Variants in ALK observed in about 807,000 individuals in gnomAD.
ALK encodes ALK receptor tyrosine kinase.
In ALK, 74 loss-of-function variants were observed where a neutral mutation model predicts 163.1. The observed-to-expected ratio is 0.45, with a 90% confidence interval of 0.38 to 0.55. The LOEUF (loss-of-function observed/expected upper bound fraction) is 0.55. Among genes scored for constraint, ALK ranks in the 20% least tolerant of loss-of-function variants. The pLI is 0.00. For synonymous variants in ALK, 960 were observed against 843.2 expected, an observed-to-expected ratio of 1.14 and a Z score of -2.40; for missense variants, 2,063 against 2,105.3, an observed-to-expected ratio of 0.98 and a Z score of 0.39.
intron 3 of ALK, among the ~76,000 whole-genome samples, chr2:29,679,168 A>G (rs1677984950): frequency 6.6e-6 from 1 of 151,862 alleles, no homozygotes; most frequent in South Asian, 2.1e-4. Context: ...TATTAATACA[A>G]CCACTCCAGC....
chr2:29,445,804 A>G (rs1427962711), intron 4 of ALK, among the ~76,000 whole-genome samples: 1 of 151,688 alleles, frequency 6.6e-6, no homozygotes, highest in African/African-American at 2.4e-5. Flanking sequence ...CGTGGGCAAC[A>G]AGAGTGAAGC....
At chr2:29,605,304 C>T (rs7576817) in intron 3 of ALK, among the ~76,000 whole-genome samples, 117,448 of 152,094 alleles carry the variant, frequency 0.77, 45,378 homozygotes, top group Middle Eastern at 0.79. Flanking sequence ...TCCTTGCTCG[C>T]TACTCACCTC....
rs1669058171 is a variant in ALK at position 29,387,437 on chromosome 2, G to GA, written c.1155-3579dup. 2.0e-5 allele frequency among the ~76,000 whole-genome samples: 3 copies of GA among 152,278 alleles called. No individual in the cohort carries two copies. In the South Asian group the frequency reaches 6.2e-4, roughly 32 times the overall value. ...AAAAAAGGCAGGAGGGTTGGCTTGT[G>GA]AATATCAAGGTCCATTTCTGACCTA... On this transcript the variant is annotated intron_variant, in intron 4 of 28. Transcript: ENST00000389048.
At chr2:29,423,752 TC>T (rs1670073774) in intron 4 of ALK, among the ~76,000 whole-genome samples, 1 of 152,114 alleles carries the variant, frequency 6.6e-6, no homozygotes. Context: ...TGGGGGACCC[TC>T]CTAGGAGGAG....
Position 29,888,264 on chromosome 2 carries a change from A to T in ALK, c.667+31729T>A, listed in dbSNP as rs150143942. On this transcript the variant is annotated intron_variant, in intron 1 of 28. Coordinates refer to ENST00000389048, the MANE Select transcript of ALK (RefSeq NM_004304.5). ...ATAAATTGTTTTTTTTTTTTTTTAAAAAAAGGGAAACTATGTATTAAGCTA... is the reference window on the plus strand; with the variant it reads ...ATAAATTGTTTTTTTTTTTTTTTAATAAAAGGGAAACTATGTATTAAGCTA... 3.7e-4 allele frequency among the ~76,000 whole-genome samples: 53 copies of T among 142,324 alleles called. 1 individual carries two copies. Among genetic ancestry groups the T allele is most frequent in the South Asian group, 2.4e-3 (11 of 4,574 alleles). 93.4% of individuals were successfully genotyped at this position (142,324 alleles called of 152,430 possible).
chr2:29,717,498 A>C, intron 2 of ALK, 80 bp downstream of exon 2: 6 of 1,558,946 alleles, frequency 3.8e-6, no homozygotes, highest in Non-Finnish European at 5.3e-6. Flanking sequence ...GAGCACTATG[A>C]ATCCCAAACT....
At chr2:29,295,472 G>A (rs1183466824) in intron 9 of ALK, among the ~76,000 whole-genome samples, 2 of 152,198 alleles carry the variant, frequency 1.3e-5, no homozygotes, top group African/African-American at 2.4e-5. Flanking sequence ...AGTGGGCAGA[G>A]CTCACACTTC....
intron 1 of ALK, among the ~76,000 whole-genome samples, chr2:29,816,847 T>C (rs1664911519): frequency 6.6e-6 from 1 of 152,174 alleles, no homozygotes; most frequent in South Asian, 2.1e-4. Context: ...GGCTAGGCCT[T>C]GAAAGCTGAA....
chr2:29,223,211 T>C, intron 20 of ALK, 131 bp downstream of exon 20: 1 of 920,118 alleles, frequency 1.1e-6, no homozygotes, highest in Non-Finnish European at 1.7e-6. Flanking sequence ...CTTGTCCTCC[T>C]AGGAGGGCTA....
chr2:29,333,107 GGTTTTTTT>G (rs141141856), intron 5 of ALK, among the ~76,000 whole-genome samples: 4,197 of 152,008 alleles, frequency 0.028, 209 homozygotes, highest in African/African-American at 0.096. Flanking sequence ...AGTGAAGTTG[GGTTTTTTT>G]GTTTTTTTGT....
chr2:29,785,762 T>C (rs1663994138), intron 1 of ALK, among the ~76,000 whole-genome samples: 1 of 152,104 alleles, frequency 6.6e-6, no homozygotes, highest in Non-Finnish European at 1.5e-5. Context: ...ACCACACTAC[T>C]GACCCTCACC....
intron 4 of ALK, among the ~76,000 whole-genome samples, chr2:29,415,823 C>T (rs1363433492): frequency 5.3e-5 from 8 of 152,202 alleles, no homozygotes; most frequent in Admixed American, 2.0e-4. Flanking sequence ...TCACATTCTC[C>T]TTCTCTCTTC....
At chr2:29,678,640 A>G (rs1345579083) in intron 3 of ALK, among the ~76,000 whole-genome samples, 1 of 151,220 alleles carries the variant, frequency 6.6e-6, no homozygotes, top group Non-Finnish European at 1.5e-5. Context: ...AGTTTGTTTT[A>G]TTGTGATTGA....
At chr2:29,601,928 G>A (rs1347861365) in intron 3 of ALK, among the ~76,000 whole-genome samples, 1 of 151,970 alleles carries the variant, frequency 6.6e-6, no homozygotes, top group Non-Finnish European at 1.5e-5. Flanking sequence ...AGAGCCCCAG[G>A]CATGCCTCTG....
intron 3 of ALK, among the ~76,000 whole-genome samples, chr2:29,679,235 C>A (rs1305814100): frequency 2.0e-5 from 3 of 151,740 alleles, no homozygotes; most frequent in African/African-American, 7.2e-5. Context: ...TACTTTCAAT[C>A]TATTTGAGTA....
intron 3 of ALK, among the ~76,000 whole-genome samples, chr2:29,623,496 A>G (rs1252801472): frequency 6.6e-6 from 1 of 152,278 alleles, no homozygotes; most frequent in African/African-American, 2.4e-5. Flanking sequence ...TCACTTTAAT[A>G]CTTTACATGA....
intron 15 of ALK, among the ~76,000 whole-genome samples, chr2:29,230,243 T>C (rs1026740489): frequency 4.6e-5 from 7 of 152,124 alleles, no homozygotes; most frequent in Non-Finnish European, 1.5e-5. Flanking sequence ...AGTTATTGTA[T>C]TATTTAGGGA....
chr2:29,514,564 C>T (rs1672611861), intron 4 of ALK, among the ~76,000 whole-genome samples: 1 of 152,150 alleles, frequency 6.6e-6, no homozygotes, highest in South Asian at 2.1e-4. Flanking sequence ...CCTCCAAACT[C>T]CAGACCCTTG....
intron 4 of ALK, among the ~76,000 whole-genome samples, chr2:29,436,918 G>C (rs1425619214): frequency 1.3e-5 from 2 of 152,168 alleles, no homozygotes; most frequent in Admixed American, 1.3e-4. Context: ...CAGGCCCGAA[G>C]ATCTGTATGA....
Sources: gnomAD v4.1 joint callset for allele counts (sites outside exome capture counted in the v4.1 genomes callset) on GRCh38, gnomAD v4.1.1 for gene constraint, MANE v1.5 for transcripts, NCBI Gene and HGNC (gene_info 2026-07-23, HGNC 2026-07-21) for gene names.